Variants in SIPA1L3 observed in about 807,000 individuals in gnomAD.
SIPA1L3 encodes signal induced proliferation associated 1 like 3.
A neutral mutation model predicts 150.1 loss-of-function variants in SIPA1L3; 59 were observed. The ratio of observed to expected loss-of-function variants is 0.39; its 90% CI spans 0.32 to 0.49. The LOEUF is 0.49. SIPA1L3 is among the 20% of genes least tolerant of loss of function. SIPA1L3 has a pLI of 0.86. For synonymous variants in SIPA1L3, 1,070 were observed against 1,077.6 expected (o/e 0.99, Z 0.14); for missense variants, 2,211 against 2,489.5 (o/e 0.89, Z 2.38).
chr19:38,123,411 G>C (rs560418661), intron 9 of SIPA1L3, among the ~76,000 whole-genome samples: 99 of 149,532 alleles, frequency 6.6e-4, no homozygotes, highest in African/African-American at 2.3e-3. Context: ...AGGACCCTGC[G>C]GCCTTCCGCA....
At chr19:38,065,863 TTTG>T (rs1969566283) in intron 2 of SIPA1L3, among the ~76,000 whole-genome samples, 3 of 147,670 alleles carry the variant, frequency 2.0e-5, no homozygotes, top group African/African-American at 5.0e-5. Context: ...TTTATTTATT[TTTG>T]AGGCAACGTC....
chr19:37,996,679 G>T (rs1967644511), intron 1 of SIPA1L3, among the ~76,000 whole-genome samples: 1 of 151,830 alleles, frequency 6.6e-6, no homozygotes, highest in Non-Finnish European at 1.5e-5. Context: ...ATCCTCCACT[G>T]CCATCCTCTG....
chr19:38,088,110 C>G (rs1970177278), intron 3 of SIPA1L3, among the ~76,000 whole-genome samples: 1 of 152,238 alleles, frequency 6.6e-6, no homozygotes, highest in Non-Finnish European at 1.5e-5. Flanking sequence ...CCCTGACAGG[C>G]ACCAACAACT....
intron 1 of SIPA1L3, among the ~76,000 whole-genome samples, chr19:38,019,192 T>C (rs987803456): frequency 2.0e-5 from 3 of 152,198 alleles, no homozygotes; most frequent in African/African-American, 7.2e-5. Flanking sequence ...GTAAACTCAG[T>C]GGAAGGCAGT....
intron 1 of SIPA1L3, among the ~76,000 whole-genome samples, chr19:37,931,593 A>G (rs1363890885): frequency 6.6e-6 from 1 of 151,394 alleles, no homozygotes; most frequent in Non-Finnish European, 1.5e-5. Context: ...ATAAAAATAA[A>G]AAAAAAAGTA....
At chr19:37,981,172 C>A (rs1478403015) in intron 1 of SIPA1L3, among the ~76,000 whole-genome samples, 3 of 152,084 alleles carry the variant, frequency 2.0e-5, no homozygotes, top group Non-Finnish European at 4.4e-5. Context: ...GTGCCTTATG[C>A]CTGTAATCCC....
chr19:38,163,468 C>T (rs946863733), intron 14 of SIPA1L3, among the ~76,000 whole-genome samples: 5 of 136,426 alleles, frequency 3.7e-5, no homozygotes, highest in South Asian at 4.5e-4. Flanking sequence ...CCAGCCTGAG[C>T]GACAGAGTGA....
chr19:37,938,315 T>C (rs1327923109), intron 1 of SIPA1L3, among the ~76,000 whole-genome samples: 7 of 152,246 alleles, frequency 4.6e-5, no homozygotes. Flanking sequence ...GGACAAGCAT[T>C]TCTTTCAGGT....
At chr19:38,111,025 T>G (rs1389079736) in intron 8 of SIPA1L3, among the ~76,000 whole-genome samples, 3 of 80,428 alleles carry the variant, frequency 3.7e-5, no homozygotes, top group African/African-American at 2.5e-4. Context: ...TTGTTTTGGG[T>G]TTTTTTTTTT....
chr19:38,093,732 A>G (rs1725474), intron 4 of SIPA1L3, among the ~76,000 whole-genome samples: 70,624 of 152,016 alleles, frequency 0.46, 17,039 homozygotes, highest in East Asian at 0.75. Context: ...GGCCGTCCCC[A>G]GCCGCCAAGC....
At chr19:37,913,191 G>A (rs1193547830) in intron 1 of SIPA1L3, among the ~76,000 whole-genome samples, 6 of 152,130 alleles carry the variant, frequency 3.9e-5, no homozygotes, top group Non-Finnish European at 8.8e-5. Context: ...TGAAATGTCT[G>A]CAAGACTTTC....
intron 1 of SIPA1L3, among the ~76,000 whole-genome samples, chr19:37,953,509 A>T (rs996020566): frequency 2.0e-5 from 3 of 148,294 alleles, no homozygotes; most frequent in Non-Finnish European, 4.4e-5. Flanking sequence ...AGTTCAAGGT[A>T]ATTTAAGGTG....
At chr19:38,189,912 C>T (rs369914098) in intron 16 of SIPA1L3, among the ~76,000 whole-genome samples, 5 of 152,208 alleles carry the variant, frequency 3.3e-5, no homozygotes, top group Non-Finnish European at 5.9e-5. Flanking sequence ...CACATGACGT[C>T]GTATCTGGGA....
chr19:38,083,060 C>A lies in SIPA1L3; in HGVS notation c.1495C>A (p.Leu499Met). 6.2e-7 allele frequency: 1 copy of A among 1,612,518 alleles called. No homozygotes were observed. The highest frequency in any genetic ancestry group is 1.1e-5 in the South Asian group (1 of 91,068). ...PRQYSIEHVD[L>M]GARYYQDYFV... is the part of the protein sequence containing the mutation. ...GCAGTACAGCATCGAGCATGTGGACCTGGGCGCCCGCTACTACCAGGATTA... is the reference window on the plus strand; with the variant it reads ...GCAGTACAGCATCGAGCATGTGGACATGGGCGCCCGCTACTACCAGGATTA... The change falls in exon 3 of 22, where the codon CTG (leucine) becomes ATG (methionine). Residue 499 changes from leucine to methionine, a missense_variant. By Grantham distance (15) the Leu-to-Met change is conservative (BLOSUM62 2). Coordinates refer to ENST00000222345, the MANE Select transcript of SIPA1L3 (RefSeq NM_015073.3).
At chr19:38,025,019 C>T (rs886451540) in intron 1 of SIPA1L3, among the ~76,000 whole-genome samples, 1 of 152,184 alleles carries the variant, frequency 6.6e-6, no homozygotes, top group Non-Finnish European at 1.5e-5. Context: ...TAATTCTCGG[C>T]CCCTTCCTCC....
chr19:38,110,463 GC>G (rs1405714399), intron 8 of SIPA1L3, 79 bp downstream of exon 8: 18 of 1,215,694 alleles, frequency 1.5e-5, no homozygotes, highest in South Asian at 5.3e-5. Flanking sequence ...CCAGTACAGG[GC>G]CCCCCCACAC....
chr19:38,060,352 T>C (rs2145778585), intron 2 of SIPA1L3, among the ~76,000 whole-genome samples: 1 of 152,366 alleles, frequency 6.6e-6, no homozygotes, highest in East Asian at 1.9e-4. Context: ...TTATGAGTTC[T>C]AATATTTGTA....
At chr19:38,004,817 C>G (rs1967899408) in intron 1 of SIPA1L3, among the ~76,000 whole-genome samples, 1 of 152,162 alleles carries the variant, frequency 6.6e-6, no homozygotes, top group Admixed American at 6.5e-5. Context: ...TATCTGCATT[C>G]TCTTCCTCAC....
chr19:38,028,692 CT>C (rs568012391), intron 1 of SIPA1L3, among the ~76,000 whole-genome samples: 4,028 of 135,920 alleles, frequency 0.03, 140 homozygotes, highest in African/African-American at 0.097. Flanking sequence ...TCAGTAAATA[CT>C]TTTTTTTTTT....
Sources: allele counts gnomAD v4.1 joint callset (sites outside exome capture counted in the v4.1 genomes callset), GRCh38; gene constraint gnomAD v4.1.1; transcripts MANE v1.5; gene names NCBI Gene and HGNC (gene_info 2026-07-23, HGNC 2026-07-21).